TRAPPC12: variants seen among roughly 807,000 people sequenced by gnomAD.
TRAPPC12 encodes the protein trafficking protein particle complex subunit 12.
Under a neutral mutation model 69.2 loss-of-function variants are expected in TRAPPC12, and 61 were observed. That is an observed-to-expected ratio of 0.88 (90% CI 0.72 to 1.09). The LOEUF (loss-of-function observed/expected upper bound fraction) is 1.09, where lower values mean the gene tolerates loss of function less well. Among genes scored for constraint, TRAPPC12 ranks in the 50% least tolerant of loss-of-function variants. The pLI is 0.00. For missense variants in TRAPPC12, 1,101 were observed against 1,016.4 expected (o/e 1.08, Z -1.13); for synonymous variants, 469 against 438.9 (o/e 1.07, Z -0.86).
intron 9 of TRAPPC12, among the ~76,000 whole-genome samples, chr2:3,470,426 C>T (rs575602400): frequency 3.3e-5 from 5 of 152,386 alleles, no homozygotes; most frequent in Admixed American, 6.5e-5. Context: ...GCTGTCCGCC[C>T]TGTTCCTGCT....
At chr2:3,388,745 G>A (rs1230115916) in intron 2 of TRAPPC12, 75 bp downstream of exon 2, 2 of 1,353,708 alleles carry the variant, frequency 1.5e-6, no homozygotes, top group East Asian at 5.2e-5. Context: ...TGCCCCTTTA[G>A]GGATGGAGAA....
chr2:3,458,006 G>A, intron 7 of TRAPPC12: 2 of 1,198,558 alleles, frequency 1.7e-6, no homozygotes, highest in Non-Finnish European at 2.1e-6. Context: ...GCCCAGCCCA[G>A]CCGAAGGGGC....
In TRAPPC12 at chr2:3,388,065, G is replaced by T. The variant is rs754188527; in HGVS notation, c.442G>T (p.Glu148Ter). The T allele has an allele frequency of 6.6e-7, 1 of 1,525,836 alleles. No individual in the cohort carries two copies. The highest frequency in any genetic ancestry group is 8.8e-7 in the Non-Finnish European group (1 of 1,141,362). The allele number at this position is 1,525,836 out of a possible 1,614,324, so 94.5% of individuals were successfully genotyped here. ...CCCAGGCAGCGAAGCCGCGCGCCCG[G>T]AGCAGGAGCCTCCCGTTGCGGAGCC... ...EVPGSEAARP[E>*]QEPPVAEPVP... The change falls in exon 2 of 12, where the codon GAG (glutamate) becomes TAG (stop). Residue 148 changes from glutamate to a stop codon, truncating the protein, a stop_gained. Coordinates refer to ENST00000324266, the MANE Select transcript of TRAPPC12 (RefSeq NM_016030.6). LOFTEE classifies it high-confidence loss of function.
chr2:3,422,202 C>G (rs949842735), intron 4 of TRAPPC12, among the ~76,000 whole-genome samples: 5 of 152,220 alleles, frequency 3.3e-5, no homozygotes, highest in African/African-American at 9.6e-5. Flanking sequence ...GAAGCACGCT[C>G]ACAAGTGCCC....
rs145197828 is a variant in TRAPPC12 at position 3,392,600 on chromosome 2, A to G, written c.1047+3930A>G. Reference sequence around the variant, plus strand: ...GAAGGATCTCTGTTTAAGTCAAAGAACTAGAAACAGCACTAATTATCAGGG... The same window carrying G: ...GAAGGATCTCTGTTTAAGTCAAAGAGCTAGAAACAGCACTAATTATCAGGG... On this transcript the variant is annotated intron_variant, in intron 2 of 11. Coordinates refer to ENST00000324266, the MANE Select transcript of TRAPPC12 (RefSeq NM_016030.6). Among the ~76,000 whole-genome samples, 864 of 152,362 alleles carry G rather than the reference A, an allele frequency of 5.7e-3. 7 individuals are homozygous for G. The highest frequency in any genetic ancestry group is 0.023 in the South Asian group (109 of 4,832).
chr2:3,396,239 G>GA (rs1491207548), intron 2 of TRAPPC12, among the ~76,000 whole-genome samples: 1 of 147,214 alleles, frequency 6.8e-6, no homozygotes, highest in Non-Finnish European at 1.5e-5. Context: ...AGGTTGACAG[G>GA]TTTTTTTTTT....
At position 3,424,551 on chromosome 2, in the gene TRAPPC12, A is replaced by C; in HGVS notation, c.1305A>C (p.Leu435=). The C allele has an allele frequency of 6.2e-7, 1 of 1,613,650 alleles. No individual in the cohort carries two copies. Among genetic ancestry groups the C allele is most frequent in the Non-Finnish European group, 8.5e-7 (1 of 1,179,908 alleles). Residue 435 remains leucine (L), a synonymous_variant, in exon 5 of 12, where the codon CTA becomes CTC. Coordinates refer to ENST00000324266, the MANE Select transcript of TRAPPC12 (RefSeq NM_016030.6). ...LQLWFVRLAL[L]VKLGLFQNAE... ...TCTGGTTTGTCAGGCTGGCACTACT[A>C]GTGAAGTTGGGCCTTTTCCAGAATG... is the stretch of plus-strand genomic sequence containing the variant.
At chr2:3,453,228 A>G (rs1664943519) in intron 6 of TRAPPC12, among the ~76,000 whole-genome samples, 1 of 152,208 alleles carries the variant, frequency 6.6e-6, no homozygotes, top group South Asian at 2.1e-4. Context: ...TCTGTAAAAT[A>G]CATCGTCCCC....
chr2:3,463,208 C>T (rs767097279), intron 8 of TRAPPC12: 11 of 291,860 alleles, frequency 3.8e-5, no homozygotes, highest in Non-Finnish European at 6.8e-5. Context: ...CATTAAGTAA[C>T]CGTCAACCTA....
chr2:3,412,156 T>A (rs1336712623), intron 3 of TRAPPC12, among the ~76,000 whole-genome samples: 2 of 152,200 alleles, frequency 1.3e-5, no homozygotes, highest in Non-Finnish European at 2.9e-5. Context: ...AGAAATGCTT[T>A]TAGAAATTAA....
At chr2:3,407,574 G>A (rs1025137854) in intron 3 of TRAPPC12, among the ~76,000 whole-genome samples, 14 of 152,062 alleles carry the variant, frequency 9.2e-5, no homozygotes, top group Admixed American at 5.9e-4. Flanking sequence ...AGGCCGAGGC[G>A]GGCAGATCAC....
At chr2:3,384,574 G>T (rs1446418570) in intron 1 of TRAPPC12, among the ~76,000 whole-genome samples, 1 of 152,192 alleles carries the variant, frequency 6.6e-6, no homozygotes, top group Non-Finnish European at 1.5e-5. Context: ...AGATAGTCAT[G>T]TACTTTTATT....
At position 3,464,077 on chromosome 2, in the gene TRAPPC12, G is replaced by A. The variant is rs868593348; in HGVS notation, c.1678-1520G>A. Reference sequence around the variant, plus strand: ...TCCCAGCTGCAACCTCAGCCGCCCCGAGTGCCCCCATGCCAGGTCACAAAG... The same window carrying A: ...TCCCAGCTGCAACCTCAGCCGCCCCAAGTGCCCCCATGCCAGGTCACAAAG... On this transcript the variant is annotated intron_variant, in intron 8 of 11. Transcript: ENST00000324266. 7.2e-5 allele frequency among the ~76,000 whole-genome samples: 11 copies of A among 152,120 alleles called. No homozygotes were observed. The South Asian group carries it at 8.3e-4, about 11-fold the overall frequency.
rs1055265984 is a variant in TRAPPC12, at chr2:3,413,626, T to C, written c.1165-8255T>C. 2.0e-5 allele frequency among the ~76,000 whole-genome samples: 3 copies of C among 152,200 alleles called. No homozygotes were observed. The East Asian group carries it at 5.8e-4, about 29-fold the overall frequency. On this transcript the variant is annotated intron_variant, in intron 3 of 11. Coordinates refer to ENST00000324266, the MANE Select transcript of TRAPPC12 (RefSeq NM_016030.6). ...GTTTTGAGTAAATGATACAAGACACTGTATGTTTTTTTAAAAAAAGACGAC... is the reference window on the plus strand; with the variant it reads ...GTTTTGAGTAAATGATACAAGACACCGTATGTTTTTTTAAAAAAAGACGAC...
intron 3 of TRAPPC12, among the ~76,000 whole-genome samples, chr2:3,402,627 G>A (rs1661509535): frequency 6.6e-6 from 1 of 152,156 alleles, no homozygotes; most frequent in South Asian, 2.1e-4. Context: ...CATTAGTACT[G>A]GATCACCATT....
In TRAPPC12 at chr2:3,457,670, G is replaced by A. The variant is rs201020050; in HGVS notation, c.1580G>A (p.Ser527Asn). 2.8e-5 allele frequency: 45 copies of A among 1,611,532 alleles called. No individual in the cohort carries two copies. The highest frequency in any genetic ancestry group is 3.8e-5 in the Non-Finnish European group (45 of 1,179,984). The change falls in exon 7 of 12, where the codon AGC (serine) becomes AAC (asparagine). Residue 527 changes from serine (S) to asparagine (N), a missense_variant. Coordinates refer to ENST00000324266, the MANE Select transcript of TRAPPC12 (RefSeq NM_016030.6). ...QGLAEDGGMS[S>N]VTQEGRQASI... Reference sequence around the variant, plus strand: ...TTAGCAGAAGACGGCGGCATGAGCAGCGTGACTCAGGAGGGCAGACAAGGT... The same window carrying A: ...TTAGCAGAAGACGGCGGCATGAGCAACGTGACTCAGGAGGGCAGACAAGGT...
chr2:3,399,841 A>G (rs1323282458), intron 2 of TRAPPC12, among the ~76,000 whole-genome samples: 1 of 140,560 alleles, frequency 7.1e-6, no homozygotes, highest in Non-Finnish European at 1.5e-5. Flanking sequence ...CAAAAAAAAA[A>G]GGGTAGGAGA....
At chr2:3,406,714 A>G (rs917657449) in intron 3 of TRAPPC12, among the ~76,000 whole-genome samples, 6 of 152,210 alleles carry the variant, frequency 3.9e-5, no homozygotes, top group African/African-American at 1.4e-4. Flanking sequence ...GCCATGGGGA[A>G]GCTGCTGTGA....
chr2:3,402,646 G>A (rs902816996), intron 3 of TRAPPC12, among the ~76,000 whole-genome samples: 1 of 152,220 alleles, frequency 6.6e-6, no homozygotes, highest in East Asian at 1.9e-4. Flanking sequence ...TTGCTGTACA[G>A]GTTGATTTGT....
Sources: allele counts gnomAD v4.1 joint callset (sites outside exome capture counted in the v4.1 genomes callset), GRCh38; gene constraint gnomAD v4.1.1; transcripts MANE v1.5; gene names NCBI Gene and HGNC (gene_info 2026-07-23, HGNC 2026-07-21).